SMOC2: variants seen among roughly 807,000 people sequenced by gnomAD.
The protein encoded by SMOC2 is SPARC related modular calcium binding 2.
A neutral mutation model predicts 61.4 loss-of-function variants in SMOC2; 39 were observed. The observed-to-expected ratio is 0.64, with a 90% CI of 0.49 to 0.83. The LOEUF is 0.83. Ranked by LOEUF, SMOC2 falls within the 40% of genes least tolerant of loss-of-function variation. SMOC2 has a pLI of 0.00. For missense variants in SMOC2, 556 were observed against 592.9 expected (o/e 0.94, Z 0.65); for synonymous variants, 247 against 239.9 (o/e 1.03, Z -0.27).
At chr6:168,664,193 A>G (rs761202369) in intron 12 of SMOC2, 82 bp downstream of exon 12, 14 of 1,104,644 alleles carry the variant, frequency 1.3e-5, no homozygotes, top group Middle Eastern at 2.0e-4. Flanking sequence ...TAGATTTGCA[A>G]TGGCCAGTAC....
At chr6:168,609,122 C>T (rs1330097410) in intron 9 of SMOC2, among the ~76,000 whole-genome samples, 1 of 152,194 alleles carries the variant, frequency 6.6e-6, no homozygotes, top group Non-Finnish European at 1.5e-5. Flanking sequence ...GTGTTCATAG[C>T]GATTCCACAA....
At chr6:168,513,466 TACACACACACACATACATACACAC>T (rs1562563708) in intron 2 of SMOC2, among the ~76,000 whole-genome samples, 3 of 16,340 alleles carry the variant, frequency 1.8e-4, no homozygotes, top group Non-Finnish European at 1.2e-3. Context: ...CACACACAAA[TACACACACACACATACATACACAC>T]ACACACACAC....
chr6:168,633,157 G>A (rs1440818813), intron 9 of SMOC2, among the ~76,000 whole-genome samples: 2 of 152,238 alleles, frequency 1.3e-5, no homozygotes, highest in African/African-American at 4.8e-5. Context: ...GAGTAAGGAG[G>A]TGGATAATCT....
At chr6:168,575,166 G>C (rs1470832926) in intron 7 of SMOC2, among the ~76,000 whole-genome samples, 1 of 152,186 alleles carries the variant, frequency 6.6e-6, no homozygotes, top group Non-Finnish European at 1.5e-5. Flanking sequence ...ACCCCTCCCA[G>C]TGTTAATTCT....
At chr6:168,540,503 T>C (rs1783853648) in intron 4 of SMOC2, among the ~76,000 whole-genome samples, 2 of 152,018 alleles carry the variant, frequency 1.3e-5, no homozygotes, top group Admixed American at 6.5e-5. Flanking sequence ...CACTGCCCAC[T>C]CCAGAGATGA....
At chr6:168,558,963 G>A (rs1197486685) in intron 7 of SMOC2, among the ~76,000 whole-genome samples, 2 of 152,232 alleles carry the variant, frequency 1.3e-5, no homozygotes, top group East Asian at 1.9e-4. Flanking sequence ...GCATGTGTGT[G>A]TACGTGTATG....
At chr6:168,498,509 G>A (rs1583058727) in intron 1 of SMOC2, among the ~76,000 whole-genome samples, 1 of 152,352 alleles carries the variant, frequency 6.6e-6, no homozygotes, top group East Asian at 1.9e-4. Flanking sequence ...TAAAAACAGA[G>A]CTACTTCTTC....
rs149598606 is a variant in SMOC2 at position 168,633,821 on chromosome 6, A to G, written c.908-16860A>G. ...ATGGTTTGGCTGTGTCCCCACCCAA[A>G]TCTCATCTTGAATTGTAGTTCCCAT... On this transcript the variant is annotated intron_variant, in intron 9 of 12. Transcript: ENST00000356284. Among the ~76,000 whole-genome samples, 1,017 of 152,248 alleles carry G rather than the reference A, an allele frequency of 6.7e-3. 13 individuals are homozygous for G. The highest frequency in any genetic ancestry group is 0.023 in the African/African-American group (965 of 41,552).
In SMOC2 at chr6:168,535,844, G is replaced by C. The variant is rs776773775; in HGVS notation, c.464-7781G>C. Among the ~76,000 whole-genome samples, 2 of 152,180 alleles carry C rather than the reference G, an allele frequency of 1.3e-5. No homozygotes were observed. Among genetic ancestry groups the C allele is most frequent in the African/African-American group, 4.8e-5 (2 of 41,442 alleles). On this transcript the variant is annotated intron_variant, in intron 4 of 12. Coordinates refer to ENST00000356284, the MANE Select transcript of SMOC2 (RefSeq NM_001166412.2). This position sits in a 1 kb window ranked among gnomAD's most constrained non-coding sequence, Gnocchi z 4.6. ...ATCCTGGGGACACGTGAGGAATAAC[G>C]CAGCAGTGATGCAGCTTCACGGCAC...
intron 4 of SMOC2, among the ~76,000 whole-genome samples, chr6:168,530,131 G>A (rs1783554790): frequency 6.6e-6 from 1 of 152,178 alleles, no homozygotes; most frequent in South Asian, 2.1e-4. Flanking sequence ...GATTTAAAAA[G>A]AGCCGTAGAT....
rs779502621 is a variant in SMOC2, at chr6:168,641,573, A to C, written c.908-9108A>C. Among the ~76,000 whole-genome samples the C allele has an allele frequency of 1.1e-3, 162 of 152,368 alleles. 3 individuals carry two copies. In the Middle Eastern group the frequency reaches 0.041, roughly 38 times the overall value. ...AGAGTTAACTTATTAGCTGTGATAA[A>C]TTCCAAGTGCACACCCTGGCCTTGG... On this transcript the variant is annotated intron_variant, in intron 9 of 12. Coordinates refer to ENST00000356284, the MANE Select transcript of SMOC2 (RefSeq NM_001166412.2).
intron 4 of SMOC2, among the ~76,000 whole-genome samples, chr6:168,533,257 G>C (rs1363767072): frequency 6.6e-6 from 1 of 152,140 alleles, no homozygotes; most frequent in East Asian, 1.9e-4. Context: ...GGAAGGCCCT[G>C]TTATAAATGA....
At position 168,510,105 on chromosome 6, in the gene SMOC2, A is replaced by T; in HGVS notation, c.256+19A>T. The T allele has an allele frequency of 6.2e-7, 1 of 1,609,576 alleles. No individual in the cohort carries two copies. Among genetic ancestry groups the T allele is most frequent in the Non-Finnish European group, 8.5e-7 (1 of 1,176,096 alleles). Reference sequence around the variant, plus strand: ...TGCAAAGGTAAGCTGCTGTTTGATCATTCATCCAAAGATGGGTACATCCAT... The same window carrying T: ...TGCAAAGGTAAGCTGCTGTTTGATCTTTCATCCAAAGATGGGTACATCCAT... On this transcript the variant is annotated intron_variant, in intron 2 of 12. Coordinates refer to ENST00000356284, the MANE Select transcript of SMOC2 (RefSeq NM_001166412.2).
At chr6:168,446,629 A>G (rs2114989259) in intron 1 of SMOC2, among the ~76,000 whole-genome samples, 1 of 152,344 alleles carries the variant, frequency 6.6e-6, no homozygotes, top group Non-Finnish European at 1.5e-5. Flanking sequence ...TTATAATATG[A>G]ATTAATATTT....
intron 1 of SMOC2, among the ~76,000 whole-genome samples, chr6:168,484,188 A>T (rs536282362): frequency 9.8e-5 from 15 of 152,334 alleles, no homozygotes; most frequent in African/African-American, 3.1e-4. Flanking sequence ...TGTAAATCAT[A>T]TATCTGACAA....
chr6:168,582,877 G>T (rs762666058), intron 7 of SMOC2, among the ~76,000 whole-genome samples: 6 of 152,090 alleles, frequency 3.9e-5, no homozygotes, highest in Non-Finnish European at 8.8e-5. Flanking sequence ...TGCCCCTCCC[G>T]GTTTTTATCT....
chr6:168,640,691 T>C (rs1420206233), intron 9 of SMOC2, among the ~76,000 whole-genome samples: 3 of 152,222 alleles, frequency 2.0e-5, no homozygotes, highest in African/African-American at 7.2e-5. Context: ...AGAGTCTATC[T>C]TGTTGTTAAG....
intron 7 of SMOC2, among the ~76,000 whole-genome samples, chr6:168,572,986 C>T (rs1192372220): frequency 2.0e-5 from 2 of 100,022 alleles, no homozygotes; most frequent in African/African-American, 5.5e-5. Flanking sequence ...ATTTCCTCCC[C>T]ACATCCCCGG....
intron 2 of SMOC2, among the ~76,000 whole-genome samples, chr6:168,516,411 G>T (rs1783135664): frequency 6.6e-6 from 1 of 151,016 alleles, no homozygotes; most frequent in South Asian, 2.1e-4. Flanking sequence ...AGGAGAACTT[G>T]GAACTATTTT....
Sources: allele counts gnomAD v4.1 joint callset (sites outside exome capture counted in the v4.1 genomes callset), GRCh38; gene constraint gnomAD v4.1.1; non-coding constraint Gnocchi (gnomAD v3.1); transcripts MANE v1.5; gene names NCBI Gene and HGNC (gene_info 2026-07-23, HGNC 2026-07-21).